Variants in SYNPO2 observed in about 807,000 individuals in gnomAD.
The protein encoded by SYNPO2 is synaptopodin 2, also known as synaptopodin-2.
A neutral mutation model predicts 85.0 loss-of-function variants in SYNPO2; 56 were observed. The ratio of observed to expected loss-of-function variants is 0.66; its 90% CI spans 0.53 to 0.82. SYNPO2 has a LOEUF of 0.82. Among genes scored for constraint, SYNPO2 ranks in the 40% least tolerant of loss-of-function variants. SYNPO2 has a pLI of 0.00. For synonymous variants in SYNPO2, 602 were observed against 591.1 expected, an observed-to-expected ratio of 1.02 and a Z score of -0.27; for missense variants, 1,575 against 1,534.2, an observed-to-expected ratio of 1.03 and a Z score of -0.44.
chr4:119,051,186 A>ATGTTGT (rs376359189), intron 4 of SYNPO2, among the ~76,000 whole-genome samples: 1 of 100,704 alleles, frequency 9.9e-6, no homozygotes, highest in East Asian at 3.2e-4. Flanking sequence ...ATGGGAAGCA[A>ATGTTGT]TTTTTTTTTT....
Position 119,031,695 on chromosome 4 carries a change from G to C in SYNPO2, c.2920G>C (p.Ala974Pro). ...VMKHQPYQLN[A>P]SLFTFQPPDA... Reference sequence around the variant, plus strand: ...GAAGCACCAACCGTATCAGCTCAATGCATCCTTGTTTACTTTCCAACCTCC... The same window carrying C: ...GAAGCACCAACCGTATCAGCTCAATCCATCCTTGTTTACTTTCCAACCTCC... The change falls in exon 4 of 5, where the codon GCA becomes CCA. Residue 974 changes from alanine (A) to proline (P), a missense_variant. Around this residue, in one of 3 missense-constraint regions of SYNPO2, gnomAD observed 1,508 missense variants for 1,446.8 expected, o/e 1.04. Transcript: ENST00000307142. 2 of 1,614,198 alleles carry C rather than the reference G, an allele frequency of 1.2e-6. No individual in the cohort carries two copies. Among genetic ancestry groups the C allele is most frequent in the Non-Finnish European group, 1.7e-6 (2 of 1,180,034 alleles).
intron 4 of SYNPO2, among the ~76,000 whole-genome samples, chr4:119,053,982 A>C (rs1739130779): frequency 6.6e-6 from 1 of 152,128 alleles, no homozygotes; most frequent in Non-Finnish European, 1.5e-5. Context: ...TAAAATACCT[A>C]AATAACTGAC....
At chr4:118,895,651 A>G (rs545570147) in intron 1 of SYNPO2, among the ~76,000 whole-genome samples, 100 of 152,284 alleles carry the variant, frequency 6.6e-4, no homozygotes, top group African/African-American at 2.3e-3. Context: ...CTTTCTGGGT[A>G]GGGCCTTGGC....
In SYNPO2 at chr4:119,030,692, G is replaced by A. The variant is rs761393995; in HGVS notation, c.1917G>A (p.Pro639=). 6 of 1,614,110 alleles carry A rather than the reference G, an allele frequency of 3.7e-6. No individual in the cohort carries two copies. Among genetic ancestry groups the A allele is most frequent in the South Asian group, 3.3e-5 (3 of 91,078 alleles). The part of the protein sequence containing the change: ...PDAFSRGVSS[P]IAGPAQPPPW... ...CCTTCTCCAGAGGGGTTTCAAGTCC[G>A]ATTGCTGGCCCAGCACAGCCCCCTC... The change falls in exon 4 of 5, where the codon CCG becomes CCA. Residue 639 remains proline, a synonymous_variant. Transcript: ENST00000307142.
chr4:118,940,726 A>G lies in SYNPO2; in HGVS notation c.105+51585A>G, dbSNP rs185987754. ...GCTGAGTCTTCAACAAAGACGCTGGACAGGATGGTTTTTCAGATGATGAAG... is the reference window on the plus strand; with the variant it reads ...GCTGAGTCTTCAACAAAGACGCTGGGCAGGATGGTTTTTCAGATGATGAAG... On this transcript the variant is annotated intron_variant, in intron 1 of 4. Transcript: ENST00000307142. 1.7e-3 allele frequency among the ~76,000 whole-genome samples: 264 copies of G among 152,272 alleles called. 1 individual carries two copies. The highest frequency in any genetic ancestry group is 6.2e-3 in the African/African-American group (258 of 41,570).
intron 1 of SYNPO2, among the ~76,000 whole-genome samples, chr4:118,966,024 CAGCCTGGGTGACACGGTGA>C (rs1373036199): frequency 6.6e-6 from 1 of 152,024 alleles, no homozygotes; most frequent in Non-Finnish European, 1.5e-5. Flanking sequence ...CACTGCACTC[CAGCCTGGGTGACACGGTGA>C]GACCCTGTCT....
intron 1 of SYNPO2, among the ~76,000 whole-genome samples, chr4:118,927,869 G>A (rs2172013): frequency 0.57 from 86,809 of 151,832 alleles, 26,874 homozygotes; most frequent in East Asian, 0.82. Context: ...CATTCTGCCT[G>A]TATGTGTTGT....
intron 1 of SYNPO2, among the ~76,000 whole-genome samples, chr4:118,916,779 C>T (rs1733349027): frequency 7.6e-6 from 1 of 131,210 alleles, no homozygotes; most frequent in Non-Finnish European, 1.5e-5. Flanking sequence ...GTCCCCCGGG[C>T]TGGAGTGCAG....
intron 1 of SYNPO2, among the ~76,000 whole-genome samples, chr4:118,991,752 G>T (rs1560953605): frequency 6.6e-6 from 1 of 152,252 alleles, no homozygotes; most frequent in East Asian, 1.9e-4. Context: ...GAGGGAAAGG[G>T]GCTGGGAGGA....
At chr4:119,021,729 A>G (rs1223514384) in intron 1 of SYNPO2, among the ~76,000 whole-genome samples, 1 of 152,222 alleles carries the variant, frequency 6.6e-6, no homozygotes, top group Non-Finnish European at 1.5e-5. Context: ...CCAGAGATTG[A>G]GAGCAGGAAA....
intron 1 of SYNPO2, among the ~76,000 whole-genome samples, chr4:118,892,408 A>G (rs374886948): frequency 5.9e-5 from 9 of 152,190 alleles, no homozygotes; most frequent in African/African-American, 2.2e-4. Flanking sequence ...TGCAAAGTAT[A>G]TTTTCAAGAG....
chr4:118,869,923 C>T (rs1731773721), intron 1 of SYNPO2, among the ~76,000 whole-genome samples: 1 of 152,160 alleles, frequency 6.6e-6, no homozygotes, highest in Admixed American at 6.6e-5. Flanking sequence ...GAATGAGAAA[C>T]CATTCTGAGT....
chr4:118,919,987 G>A lies in SYNPO2; in HGVS notation c.105+30846G>A, dbSNP rs540026157. 3.3e-5 allele frequency among the ~76,000 whole-genome samples: 5 copies of A among 152,324 alleles called. No individual in the cohort carries two copies. In the East Asian group the frequency reaches 9.6e-4, roughly 29 times the overall value. On this transcript the variant is annotated intron_variant, in intron 1 of 4. Transcript: ENST00000307142. ...TGGGAATAATATGATAACTGGTGGA[G>A]AAATTATTGGACGGATGAGAGACTG... is the stretch of plus-strand genomic sequence containing the variant.
At chr4:118,996,804 C>G (rs1273203133) in intron 1 of SYNPO2, among the ~76,000 whole-genome samples, 1 of 149,390 alleles carries the variant, frequency 6.7e-6, no homozygotes, top group East Asian at 2.0e-4. Flanking sequence ...TTGCGGTGAG[C>G]TGAGATCGCG....
At chr4:118,990,132 A>AT (rs1174440061) in intron 1 of SYNPO2, among the ~76,000 whole-genome samples, 4 of 151,558 alleles carry the variant, frequency 2.6e-5, no homozygotes, top group Non-Finnish European at 4.4e-5. Flanking sequence ...TATGACTTGG[A>AT]TTTTTTTTTA....
intron 1 of SYNPO2, among the ~76,000 whole-genome samples, chr4:119,022,139 T>C (rs1365165607): frequency 6.6e-6 from 1 of 152,192 alleles, no homozygotes; most frequent in East Asian, 1.9e-4. Flanking sequence ...GGTGCCCCAC[T>C]ATACTGGGAT....
At chr4:118,998,042 G>C (rs1472469228) in intron 1 of SYNPO2, among the ~76,000 whole-genome samples, 1 of 152,200 alleles carries the variant, frequency 6.6e-6, no homozygotes, top group African/African-American at 2.4e-5. Flanking sequence ...AGAAGACAGT[G>C]TTAGGATTCT....
intron 1 of SYNPO2, among the ~76,000 whole-genome samples, chr4:118,867,184 C>T (rs540908114): frequency 6.6e-6 from 1 of 152,190 alleles, no homozygotes; most frequent in South Asian, 2.1e-4. Context: ...CCATAGTTTG[C>T]GAACGTTTGC....
chr4:118,876,667 CTCTTT>C (rs1731918345), intron 1 of SYNPO2, among the ~76,000 whole-genome samples: 83 of 112,166 alleles, frequency 7.4e-4, no homozygotes, highest in Non-Finnish European at 1.2e-3. Context: ...TCCTTCCTTT[CTCTTT>C]CTTTCTTTCT....
Sources: allele counts gnomAD v4.1 joint callset (sites outside exome capture counted in the v4.1 genomes callset), GRCh38; gene constraint gnomAD v4.1.1; regional missense constraint gnomAD v4.1.1; transcripts MANE v1.5; gene names NCBI Gene and HGNC (gene_info 2026-07-23, HGNC 2026-07-21).